LRRC8B: variants seen among roughly 807,000 people sequenced by gnomAD.
LRRC8B encodes the protein leucine rich repeat containing 8 VRAC subunit B.
Under a neutral mutation model 58.8 loss-of-function variants are expected in LRRC8B, and 23 were observed. The observed-to-expected ratio is 0.39, with a 90% CI of 0.28 to 0.55. The LOEUF is 0.55. Ranked by LOEUF, LRRC8B falls within the 20% of genes least tolerant of loss-of-function variation. The pLI is 0.62. For synonymous variants in LRRC8B, 359 were observed against 374.1 expected, an observed-to-expected ratio of 0.96 and a Z score of 0.47; for missense variants, 694 against 936.0, an observed-to-expected ratio of 0.74 and a Z score of 3.37.
rs1050338076 is a variant in LRRC8B, at chr1:89,576,758, C to T, written c.-124-2833C>T. Among the ~76,000 whole-genome samples the T allele has an allele frequency of 1.4e-3, 208 of 152,228 alleles. 1 individual carries two copies. The highest frequency in any genetic ancestry group is 4.6e-3 in the African/African-American group (192 of 41,558). On this transcript the variant is annotated intron_variant, in intron 3 of 5. Coordinates refer to ENST00000330947, the MANE Select transcript of LRRC8B (RefSeq NM_001369817.2). ...CAAAACTACGACTGAGTTTGGGAAG[C>T]ATGTTTGTTATTTGAAAATCACTGT...
rs375985727 is a variant in LRRC8B, at chr1:89,582,920, C to T, written c.270C>T (p.Pro90=). The change falls in exon 5 of 6, where the codon CCC becomes CCT. Residue 90 remains proline, a synonymous_variant. Transcript: ENST00000330947. The stretch of plus-strand genomic sequence containing the variant: ...ATCCTGGGACACCGCTTCCGCTCCC[C>T]CTCCGAATTCAGAATGACCTCCACC... ...SSNPGTPLPL[P]LRIQNDLHRQ... The T allele has an allele frequency of 6.2e-6, 10 of 1,614,086 alleles. No homozygotes were observed. The highest frequency in any genetic ancestry group is 3.3e-5 in the Admixed American group (2 of 60,002).
chr1:89,591,865 G>A (rs1259334216), intron 5 of LRRC8B, among the ~76,000 whole-genome samples: 1 of 152,154 alleles, frequency 6.6e-6, no homozygotes, highest in African/African-American at 2.4e-5. Context: ...CCTGTCCCCA[G>A]CCAATATGTA....
chr1:89,571,820 T>A (rs942332148), intron 3 of LRRC8B, among the ~76,000 whole-genome samples: 3 of 152,106 alleles, frequency 2.0e-5, no homozygotes, highest in Admixed American at 6.6e-5. Flanking sequence ...TTACTTCCAA[T>A]TATGTGATCA....
In LRRC8B at chr1:89,594,427, C is replaced by G. The variant is rs1294976304; in HGVS notation, c.*1384C>G. ...TACGGGTAAAATTCTTAATTACTTACAAAAACTGTGATAGAGGGGAGAGGT... is the reference window on the plus strand; with the variant it reads ...TACGGGTAAAATTCTTAATTACTTAGAAAAACTGTGATAGAGGGGAGAGGT... On this transcript the variant is annotated 3_prime_UTR_variant, in exon 6 of 6. Coordinates refer to ENST00000330947, the MANE Select transcript of LRRC8B (RefSeq NM_001369817.2). 3.3e-5 allele frequency: 5 copies of G among 152,094 alleles called. No individual in the cohort carries two copies. The highest frequency in any genetic ancestry group is 6.5e-5 in the Admixed American group (1 of 15,276). 9.4% of individuals were successfully genotyped at this position (152,094 alleles called of 1,614,324 possible).
At chr1:89,557,222 G>A (rs902896247) in intron 1 of LRRC8B, among the ~76,000 whole-genome samples, 7 of 151,914 alleles carry the variant, frequency 4.6e-5, no homozygotes, top group Non-Finnish European at 1.0e-4. Context: ...TTTTTGAAGC[G>A]TTCTTTTTGA....
At chr1:89,560,422 A>C (rs34691858) in intron 1 of LRRC8B, among the ~76,000 whole-genome samples, 59,329 of 150,342 alleles carry the variant, frequency 0.39, 13,153 homozygotes, top group South Asian at 0.55. Context: ...TTTTAGGGTA[A>C]ATGTGCACAT....
chr1:89,546,127 A>C (rs1360069925), intron 1 of LRRC8B, among the ~76,000 whole-genome samples: 1 of 152,180 alleles, frequency 6.6e-6, no homozygotes, highest in African/African-American at 2.4e-5. Context: ...AGGCTAGCCT[A>C]TCAGAATAGA....
chr1:89,580,223 G>A (rs1654120001), intron 4 of LRRC8B, among the ~76,000 whole-genome samples: 1 of 152,168 alleles, frequency 6.6e-6, no homozygotes, highest in Non-Finnish European at 1.5e-5. Flanking sequence ...GTGTTCCTCT[G>A]TAGGAAACGG....
At chr1:89,532,790 C>T (rs1420166722) in intron 1 of LRRC8B, among the ~76,000 whole-genome samples, 2 of 152,188 alleles carry the variant, frequency 1.3e-5, no homozygotes, top group African/African-American at 2.4e-5. Context: ...GTCCATGCCA[C>T]CTACCTCACA....
rs140949176 is a variant in LRRC8B at position 89,538,742 on chromosome 1, A to T, written c.-241+13720A>T. Among the ~76,000 whole-genome samples the T allele has an allele frequency of 1.1e-3, 162 of 149,644 alleles. 1 individual carries two copies. In the Middle Eastern group the frequency reaches 0.014, roughly 13 times the overall value. ...TTTTGTTTGTTTGTTTGTTTTTTAG[A>T]CAGAGCCTCACTTTGTTGCCCAAGC... On this transcript the variant is annotated intron_variant, in intron 1 of 5. Transcript: ENST00000330947.
chr1:89,552,950 A>G (rs1393400154), intron 1 of LRRC8B, among the ~76,000 whole-genome samples: 2 of 152,172 alleles, frequency 1.3e-5, no homozygotes, highest in Non-Finnish European at 2.9e-5. Context: ...GATAATTCCA[A>G]TTGTGTTCTT....
Position 89,582,665 on chromosome 1 carries a change from T to A in LRRC8B, c.15T>A (p.Thr5=). The change falls in exon 5 of 6, where the codon ACT becomes ACA. Residue 5 remains threonine (T), a synonymous_variant. Coordinates refer to ENST00000330947, the MANE Select transcript of LRRC8B (RefSeq NM_001369817.2). The part of the protein sequence containing the change: MITL[T]ELKCLADAQS... ...AAGGGAAAGTCATGATTACACTAAC[T>A]GAGCTAAAATGCTTAGCAGATGCCC... is the stretch of plus-strand genomic sequence containing the variant. The A allele has an allele frequency of 1.2e-6, 2 of 1,613,020 alleles. No individual in the cohort carries two copies. The highest frequency in any genetic ancestry group is 1.7e-6 in the Non-Finnish European group (2 of 1,179,070).
intron 1 of LRRC8B, among the ~76,000 whole-genome samples, chr1:89,551,254 A>G (rs1651787095): frequency 6.6e-6 from 1 of 152,184 alleles, no homozygotes; most frequent in South Asian, 2.1e-4. Flanking sequence ...TACAAGAGGA[A>G]GCTTTGGATG....
chr1:89,585,455 G>T (rs1170223442), intron 5 of LRRC8B, among the ~76,000 whole-genome samples: 1 of 152,098 alleles, frequency 6.6e-6, no homozygotes, highest in Non-Finnish European at 1.5e-5. Flanking sequence ...TAAATGAGTA[G>T]TTTCCTAGGT....
intron 1 of LRRC8B, among the ~76,000 whole-genome samples, chr1:89,528,183 A>G (rs1371822083): frequency 6.6e-6 from 1 of 152,024 alleles, no homozygotes; most frequent in Non-Finnish European, 1.5e-5. Context: ...CCATTCTGCA[A>G]TGCCTATTCT....
intron 1 of LRRC8B, among the ~76,000 whole-genome samples, chr1:89,540,142 A>G (rs1187776041): frequency 1.3e-5 from 2 of 152,198 alleles, no homozygotes; most frequent in Non-Finnish European, 2.9e-5. Flanking sequence ...TCACCTGGAC[A>G]ATTATTTTTA....
chr1:89,577,382 G>T (rs1653931594), intron 3 of LRRC8B, among the ~76,000 whole-genome samples: 1 of 152,092 alleles, frequency 6.6e-6, no homozygotes, highest in Non-Finnish European at 1.5e-5. Flanking sequence ...TTTTGAAAAA[G>T]CTTTTATGAC....
chr1:89,574,436 A>C (rs1290343100), intron 3 of LRRC8B, among the ~76,000 whole-genome samples: 2 of 152,206 alleles, frequency 1.3e-5, no homozygotes, highest in South Asian at 2.1e-4. Flanking sequence ...GAGGATGTCA[A>C]ATGGTACCCT....
intron 3 of LRRC8B, among the ~76,000 whole-genome samples, 161 bp from the exon 4 acceptor site, chr1:89,579,430 G>A (rs768356669): frequency 5.3e-5 from 8 of 152,186 alleles, no homozygotes; most frequent in Non-Finnish European, 8.8e-5. Context: ...TGTAATCCCA[G>A]CATTTGAGAG....
Sources: allele counts gnomAD v4.1 joint callset (sites outside exome capture counted in the v4.1 genomes callset), GRCh38; gene constraint gnomAD v4.1.1; transcripts MANE v1.5; gene names NCBI Gene and HGNC (gene_info 2026-07-23, HGNC 2026-07-21).